The following ZNF695 variants were observed in gnomAD, a reference collection of about 807,000 sequenced individuals.
ZNF695 encodes the protein zinc finger protein SBZF3.
In ZNF695, 11 loss-of-function variants were observed where a neutral mutation model predicts 11.2. The observed-to-expected ratio is 0.98, with a 90% CI of 0.62 to 1.62. The LOEUF is 1.62. Among genes scored for constraint, ZNF695 ranks in the 40% most tolerant of loss-of-function variants. The pLI, the probability that ZNF695 is intolerant of heterozygous loss-of-function variation, is 0.00. For synonymous variants in ZNF695, 190 were observed against 201.4 expected (o/e 0.94, Z 0.48); for missense variants, 559 against 590.5 (o/e 0.95, Z 0.55).
At chr1:246,945,955 T>C (rs1667724107) in intron 5 of ZNF695, 2 of 1,235,134 alleles carry the variant, frequency 1.6e-6, no homozygotes, top group Admixed American at 4.3e-5. Context: ...GTCTGTCCCT[T>C]GCCATTTCAA....
At position 246,987,476 on chromosome 1, in the gene ZNF695, T is replaced by C. The variant is rs992224740; in HGVS notation, c.1039A>G (p.Thr347Ala). 1 of 1,611,782 alleles carries C rather than the reference T, an allele frequency of 6.2e-7. No individual in the cohort carries two copies. Among genetic ancestry groups the C allele is most frequent in the African/African-American group, 1.3e-5 (1 of 74,980 alleles). Residue 347 changes from threonine (T) to alanine (A), a missense_variant, in exon 4 of 4, where the codon ACT becomes GCT. Transcript: ENST00000339986. ...SYLTQHRRIH[T>A]GEKTFRCEEC... ...TCACATCGGAAGGTTTTCTCTCCAG[T>C]ATGAATTCTTCTATGTTGAGTAAGG... is the stretch of plus-strand genomic sequence containing the variant.
intron 4 of ZNF695, among the ~76,000 whole-genome samples, chr1:246,970,138 G>A (rs184513164): frequency 2.0e-4 from 31 of 152,260 alleles, no homozygotes; most frequent in Admixed American, 8.5e-4. Context: ...TTTAAATTAC[G>A]CATTAATTCA....
exon 5 of ZNF695, chr1:246,967,751 C>G (rs753246352): frequency 2.5e-6 from 1 of 399,478 alleles, no homozygotes; most frequent in African/African-American, 2.1e-5. Context: ...AACTTAGAAT[C>G]ATGGCAGAAG....
intron 5 of ZNF695, among the ~76,000 whole-genome samples, chr1:246,954,923 G>GT (rs1034856232): frequency 1.3e-5 from 2 of 152,116 alleles, no homozygotes; most frequent in Admixed American, 1.3e-4. Flanking sequence ...AGGCTATCAG[G>GT]TAAGGCCTTG....
At chr1:246,967,296 G>A in intron 5 of ZNF695, 1 of 450,724 alleles carries the variant, frequency 2.2e-6, no homozygotes, top group Non-Finnish European at 4.4e-6. Flanking sequence ...AGAATAGATT[G>A]TAAGAAGACA....
In ZNF695 at chr1:246,999,848, C is replaced by G; in HGVS notation, c.166+64G>C. ...TTTTCTTGAAAGCAGTGATGTGAAACTCATTCATGCAAATCAGAAACTCCC... is the reference window on the plus strand; with the variant it reads ...TTTTCTTGAAAGCAGTGATGTGAAAGTCATTCATGCAAATCAGAAACTCCC... On this transcript the variant is annotated intron_variant, in intron 2 of 3. Coordinates refer to ENST00000339986, the MANE Select transcript of ZNF695 (RefSeq NM_020394.5). 3.3e-6 allele frequency: 5 copies of G among 1,516,938 alleles called. No homozygotes were observed. In the East Asian group the frequency reaches 1.1e-4, roughly 34 times the overall value. The allele number at this position is 1,516,938 out of a possible 1,614,324, so 94.0% of individuals were successfully genotyped here.
intron 4 of ZNF695, among the ~76,000 whole-genome samples, chr1:246,978,543 T>C (rs1476841375): frequency 3.9e-5 from 6 of 152,214 alleles, no homozygotes; most frequent in South Asian, 2.1e-4. Context: ...TGAAGGAAGA[T>C]GGGAAAGAGC....
intron 5 of ZNF695, among the ~76,000 whole-genome samples, chr1:246,963,343 T>C (rs1668209400): frequency 6.6e-6 from 1 of 152,136 alleles, no homozygotes; most frequent in African/African-American, 2.4e-5. Flanking sequence ...CCTAGTACTT[T>C]GGGAGGCTGA....
intron 2 of ZNF695, 27 bp downstream of exon 2, chr1:246,999,885 T>C (rs2818870): frequency 0.82 from 1,319,731 of 1,608,830 alleles, 544,379 homozygotes; most frequent in East Asian, 0.98. Flanking sequence ...GAAAACATTC[T>C]ACAAAGGAAA....
At chr1:246,996,982 G>T (rs938388753) in intron 3 of ZNF695, among the ~76,000 whole-genome samples, 3 of 152,164 alleles carry the variant, frequency 2.0e-5, no homozygotes, top group Non-Finnish European at 2.9e-5. Context: ...TAAATGTACT[G>T]ACAATGTGAT....
At chr1:246,988,332 A>G (rs1245643666) in intron 3 of ZNF695, 77 bp from the exon 4 acceptor site, 1 of 1,112,234 alleles carries the variant, frequency 9.0e-7, no homozygotes, top group African/African-American at 1.6e-5. Flanking sequence ...AAAATTATAC[A>G]AGCATATTAG....
chr1:246,969,541 C>A (rs1158208701), intron 4 of ZNF695: 1 of 152,300 alleles, frequency 6.6e-6, no homozygotes, highest in East Asian at 1.9e-4. Flanking sequence ...ACTCTTCCAA[C>A]TTCTGCCTGT....
chr1:246,988,072 G>A lies in ZNF695; in HGVS notation c.443C>T (p.Ser148Leu). The A allele has an allele frequency of 2.5e-6, 4 of 1,609,150 alleles. No homozygotes were observed. The highest frequency in any genetic ancestry group is 3.4e-6 in the Non-Finnish European group (4 of 1,178,670). ...AAAGTTTTTGCTATGAGTAGTTGCT[G>A]AGCATAGGTCAAGTCCATTATAACT... is the stretch of plus-strand genomic sequence containing the variant. Reference protein sequence around the residue: ...KASYNGLDLCSATTHSKNFQC... With the variant: ...KASYNGLDLCLATTHSKNFQC... The change falls in exon 4 of 4, where the codon TCA becomes TTA. Residue 148 changes from serine (S) to leucine (L), a missense_variant. Coordinates refer to ENST00000339986, the MANE Select transcript of ZNF695 (RefSeq NM_020394.5).
Position 246,986,015 on chromosome 1 carries a change from T to G in ZNF695, c.*952A>C. Reference sequence around the variant, plus strand: ...TTAAGACTTGAATTACATAAATATGTGATTTTCAAAAAAGCTAAAACTCTT... The same window carrying G: ...TTAAGACTTGAATTACATAAATATGGGATTTTCAAAAAAGCTAAAACTCTT... On this transcript the variant is annotated 3_prime_UTR_variant, in exon 4 of 4. Transcript: ENST00000339986. 1.0e-6 allele frequency: 1 copy of G among 985,066 alleles called. No individual in the cohort carries two copies. Among genetic ancestry groups the G allele is most frequent in the Non-Finnish European group, 1.2e-6 (1 of 829,664 alleles). 61.0% of individuals were successfully genotyped at this position (985,066 alleles called of 1,614,324 possible).
At chr1:246,991,240 G>C (rs4971322) in intron 3 of ZNF695, among the ~76,000 whole-genome samples, 129,538 of 152,084 alleles carry the variant, frequency 0.85, 55,487 homozygotes, top group East Asian at 0.99. Context: ...GAGCAATACC[G>C]CACAAACACA....
At chr1:246,988,906 C>T (rs1009516708) in intron 3 of ZNF695, among the ~76,000 whole-genome samples, 26 of 152,012 alleles carry the variant, frequency 1.7e-4, no homozygotes, top group Non-Finnish European at 3.4e-4. Flanking sequence ...CTGGCCAACA[C>T]AGTGAAACCC....
At position 246,986,406 on chromosome 1, in the gene ZNF695, A is replaced by G. The variant is rs1395301540; in HGVS notation, c.*561T>C. ...TTGAAATGTAATTATAACTTCCCCAAAAGGTGAATCTCCTACTTACTTTAA... is the reference window on the plus strand; with the variant it reads ...TTGAAATGTAATTATAACTTCCCCAGAAGGTGAATCTCCTACTTACTTTAA... On this transcript the variant is annotated 3_prime_UTR_variant, in exon 4 of 4. Transcript: ENST00000339986. 1 of 985,436 alleles carries G rather than the reference A, an allele frequency of 1.0e-6. No individual in the cohort carries two copies. Among genetic ancestry groups the G allele is most frequent in the Non-Finnish European group, 1.2e-6 (1 of 830,024 alleles). The allele number at this position is 985,436 out of a possible 1,614,324, so 61.0% of individuals were successfully genotyped here.
chr1:246,962,755 C>A, intron 5 of ZNF695, among the ~76,000 whole-genome samples: 1 of 151,904 alleles, frequency 6.6e-6, no homozygotes, highest in Non-Finnish European at 1.5e-5. Flanking sequence ...TACAGTGGCA[C>A]GATCTCAGCT....
At chr1:246,948,825 T>C (rs1329035842) in intron 5 of ZNF695, among the ~76,000 whole-genome samples, 1 of 152,152 alleles carries the variant, frequency 6.6e-6, no homozygotes, top group Admixed American at 6.6e-5. Context: ...ATTCGCCTCA[T>C]TGCTCTGAAG....
Sources: allele counts gnomAD v4.1 joint callset (sites outside exome capture counted in the v4.1 genomes callset), GRCh38; gene constraint gnomAD v4.1.1; transcripts MANE v1.5; gene names NCBI Gene and HGNC (gene_info 2026-07-23, HGNC 2026-07-21).